The following NPRL3 variants were observed in gnomAD, a reference collection of about 807,000 sequenced individuals.
NPRL3 encodes GATOR1 complex protein NPRL3.
A neutral mutation model predicts 57.2 loss-of-function variants in NPRL3; 23 were observed. That is an observed-to-expected ratio of 0.40 (90% CI 0.29 to 0.57). The LOEUF (loss-of-function observed/expected upper bound fraction) is 0.57, where lower values mean the gene tolerates loss of function less well. Ranked by LOEUF, NPRL3 falls within the 20% of genes least tolerant of loss-of-function variation. The pLI, the probability that NPRL3 is intolerant of heterozygous loss-of-function variation, is 0.42. For missense variants in NPRL3, 691 were observed against 767.1 expected (o/e 0.90, Z 1.17); for synonymous variants, 333 against 321.1 (o/e 1.04, Z -0.39).
intron 3 of NPRL3, among the ~76,000 whole-genome samples, chr16:123,877 C>A (rs1192939855): frequency 8.3e-6 from 1 of 120,458 alleles, no homozygotes; most frequent in African/African-American, 3.3e-5. Context: ...ACACACTCCC[C>A]ACGCTGAGAA....
At chr16:94,322 C>T (rs536491896) in intron 9 of NPRL3, among the ~76,000 whole-genome samples, 2 of 152,338 alleles carry the variant, frequency 1.3e-5, no homozygotes, top group East Asian at 3.9e-4. Flanking sequence ...CCTAAGCTCT[C>T]GCACTTCTGC....
intron 7 of NPRL3, among the ~76,000 whole-genome samples, chr16:108,661 T>C (rs1899638549): frequency 1.3e-5 from 1 of 79,828 alleles, no homozygotes; most frequent in Non-Finnish European, 2.4e-5. Context: ...TATTTTACTT[T>C]TGTTTTTTAA....
At position 119,147 on chromosome 16, in the gene NPRL3, C is replaced by A; in HGVS notation, c.297G>T (p.Leu99=). The change falls in exon 4 of 14, where the codon CTG becomes CTT. Residue 99 remains leucine, a synonymous_variant. Coordinates refer to ENST00000611875, the MANE Select transcript of NPRL3 (RefSeq NM_001077350.3). ...DNVRFVGHPT[L]LQHALGQISK... ...ATACCTGCCCCAGAGCATGCTGTAGCAGTGTTGGGTGCCCAACAAATCGCA... is the reference window on the plus strand; with the variant it reads ...ATACCTGCCCCAGAGCATGCTGTAGAAGTGTTGGGTGCCCAACAAATCGCA... 6.2e-7 allele frequency: 1 copy of A among 1,613,624 alleles called. No homozygotes were observed. The highest frequency in any genetic ancestry group is 8.5e-7 in the Non-Finnish European group (1 of 1,179,704).
chr16:100,734 C>T (rs1451560525), intron 7 of NPRL3, among the ~76,000 whole-genome samples: 1 of 148,534 alleles, frequency 6.7e-6, no homozygotes, highest in Non-Finnish European at 1.5e-5. Context: ...CTTTGGGAGG[C>T]CAAGGTGGGC....
chr16:88,845 G>C lies in NPRL3; in HGVS notation c.1397C>G (p.Ser466Cys). 1 of 1,613,852 alleles carries C rather than the reference G, an allele frequency of 6.2e-7. No homozygotes were observed. Among genetic ancestry groups the C allele is most frequent in the Admixed American group, 1.7e-5 (1 of 60,010 alleles). Residue 466 changes from serine to cysteine, a missense_variant, in exon 13 of 14, where the codon TCC (serine) becomes TGC (cysteine). By Grantham distance (112) the Ser-to-Cys change is moderately radical (BLOSUM62 -1). Coordinates refer to ENST00000611875, the MANE Select transcript of NPRL3 (RefSeq NM_001077350.3). ...MTLTSPSMDN[S>C]SAELLPSGDS... ...CCCGCTGGGAAGTAGCTCTGCGCTG[G>C]AGTTGTCCATGCTGGGGCTGGTGAG...
At chr16:111,392 A>T (rs185458841) in intron 6 of NPRL3, among the ~76,000 whole-genome samples, 220 of 152,104 alleles carry the variant, frequency 1.4e-3, no homozygotes, top group African/African-American at 5.0e-3. Flanking sequence ...AGAGGAAAAA[A>T]CAAAAGAAAA....
intron 3 of NPRL3, 99 bp downstream of exon 3, chr16:130,423 T>C: frequency 8.0e-7 from 1 of 1,250,110 alleles, no homozygotes; most frequent in Non-Finnish European, 1.1e-6. Context: ...AACACCAGAC[T>C]TCTCAGGGAG....
intron 2 of NPRL3, among the ~76,000 whole-genome samples, chr16:134,825 C>T (rs796308672): frequency 1.5e-4 from 23 of 150,582 alleles, no homozygotes; most frequent in African/African-American, 5.6e-4. Flanking sequence ...CCTCAGCCTC[C>T]CGAGTAGCTG....
chr16:93,055 C>T (rs1452212916), intron 10 of NPRL3, 164 bp downstream of exon 10: 2 of 637,054 alleles, frequency 3.1e-6, no homozygotes, highest in Non-Finnish European at 5.6e-6. Context: ...GAATTGGGAC[C>T]TGGGTATGCT....
intron 2 of NPRL3, among the ~76,000 whole-genome samples, chr16:132,441 C>A: frequency 6.6e-6 from 1 of 152,248 alleles, no homozygotes; most frequent in Non-Finnish European, 1.5e-5. Flanking sequence ...TCCACCATAT[C>A]TGCAGTTACT....
intron 7 of NPRL3, among the ~76,000 whole-genome samples, chr16:106,993 T>C (rs921077776): frequency 6.6e-6 from 1 of 152,184 alleles, no homozygotes; most frequent in Non-Finnish European, 1.5e-5. Context: ...GGGAGGGTAC[T>C]ACTGCCTGGA....
intron 3 of NPRL3, chr16:123,570 G>T (rs1361228261): frequency 4.3e-6 from 2 of 470,256 alleles, no homozygotes; most frequent in Non-Finnish European, 8.8e-6. Flanking sequence ...GGACCATCAA[G>T]ACCAAACAAA....
intron 4 of NPRL3, among the ~76,000 whole-genome samples, chr16:118,629 G>T (rs967564503): frequency 1.3e-5 from 2 of 152,138 alleles, no homozygotes; most frequent in African/African-American, 2.4e-5. Flanking sequence ...TGTCTTCAGG[G>T]GCAAGAACAC....
chr16:89,793 C>T lies in NPRL3; in HGVS notation c.1271G>A (p.Arg424Gln), dbSNP rs774824617. The T allele has an allele frequency of 7.5e-6, 12 of 1,599,920 alleles. No individual in the cohort carries two copies. Among genetic ancestry groups the T allele is most frequent in the Middle Eastern group, 1.7e-4 (1 of 6,052 alleles). ...GGCAGTGAAGGGGACGTCGTCCTCT[C>T]GCGGACGGGGCTCCTCCTCGCTGGG... is the stretch of plus-strand genomic sequence containing the variant. ...ASPSEEEPRP[R>Q]EDDVPFTARV... Residue 424 changes from arginine (R) to glutamine (Q), a missense_variant, in exon 12 of 14, where the codon CGA becomes CAA. Physicochemically the swap from Arg to Gln is conservative, Grantham distance 43. Transcript: ENST00000611875.
chr16:112,655 C>G lies in NPRL3; in HGVS notation c.514G>C (p.Ala172Pro). Reference sequence around the variant, plus strand: ...ATGGCGGACACCTCATCCTGGAGCGCCAGGATCAGCTTGGCCTCCCGGGTG... The same window carrying G: ...ATGGCGGACACCTCATCCTGGAGCGGCAGGATCAGCTTGGCCTCCCGGGTG... ...YLTREAKLIL[A>P]LQDEVSAMAD... Residue 172 changes from alanine to proline, a missense_variant, in exon 6 of 14, where the codon GCG becomes CCG. Physicochemically the swap from Ala to Pro is conservative, Grantham distance 27 (BLOSUM62 -1). Coordinates refer to ENST00000611875, the MANE Select transcript of NPRL3 (RefSeq NM_001077350.3). 1 of 1,603,120 alleles carries G rather than the reference C, an allele frequency of 6.2e-7. No individual in the cohort carries two copies. Among genetic ancestry groups the G allele is most frequent in the Non-Finnish European group, 8.5e-7 (1 of 1,174,398 alleles).
At chr16:137,139 G>C (rs953557441) in intron 2 of NPRL3, among the ~76,000 whole-genome samples, 4 of 150,936 alleles carry the variant, frequency 2.7e-5, no homozygotes, top group African/African-American at 7.3e-5. Context: ...AGAATCCCTT[G>C]AGCCCGGGAG....
rs533871530 is a variant in NPRL3 at position 103,296 on chromosome 16, A to ATTT, written c.630-2790_630-2788dup. On this transcript the variant is annotated intron_variant, in intron 7 of 13. Coordinates refer to ENST00000611875, the MANE Select transcript of NPRL3 (RefSeq NM_001077350.3). ...GACGTGCAACATCACGCCTGGGGTG[A>ATTT]TTTTTTTTTTTTTTTTTTTTTTTTT... Among the ~76,000 whole-genome samples the ATTT allele has an allele frequency of 6.9e-4, 29 of 42,126 alleles. 5 individuals carry two copies. The highest frequency in any genetic ancestry group is 8.3e-4 in the Non-Finnish European group (20 of 24,112). 27.6% of individuals were successfully genotyped at this position (42,126 alleles called of 152,430 possible).
At chr16:119,063 C>T in intron 4 of NPRL3, 63 bp downstream of exon 4, 2 of 1,596,022 alleles carry the variant, frequency 1.3e-6, no homozygotes, top group Non-Finnish European at 8.5e-7. Context: ...AGGAGAGCCA[C>T]ACCTGCCCAA....
intron 10 of NPRL3, 76 bp downstream of exon 10, chr16:93,143 A>G: frequency 1.1e-6 from 1 of 951,828 alleles, no homozygotes; most frequent in East Asian, 2.6e-5. Context: ...AACACAGAGA[A>G]CAGCATCTGG....
Sources: gnomAD v4.1 joint callset for allele counts (sites outside exome capture counted in the v4.1 genomes callset) on GRCh38, gnomAD v4.1.1 for gene constraint, MANE v1.5 for transcripts, NCBI Gene and HGNC (gene_info 2026-07-23, HGNC 2026-07-21) for gene names.